Variants in OPLAH observed in about 807,000 individuals in gnomAD.
OPLAH encodes 5-oxoprolinase, ATP-hydrolysing.
A neutral mutation model predicts 122.8 loss-of-function variants in OPLAH; 103 were observed. The ratio of observed to expected loss-of-function variants is 0.84; its 90% CI spans 0.71 to 0.99. The LOEUF (loss-of-function observed/expected upper bound fraction) is 0.99. OPLAH is among the 50% of genes least tolerant of loss of function. OPLAH has a pLI of 0.00. For missense variants in OPLAH, 1,902 were observed against 1,836.5 expected, an observed-to-expected ratio of 1.04 and a Z score of -0.65; for synonymous variants, 875 against 796.0, an observed-to-expected ratio of 1.10 and a Z score of -1.67.
In OPLAH at chr8:144,052,564, C is replaced by A; in HGVS notation, c.3188G>T (p.Arg1063Leu). Residue 1063 changes from arginine to leucine, a missense_variant, in exon 23 of 27, where the codon CGA becomes CTA. This residue lies in a region of OPLAH where 1,726 missense variants were observed against 1,642.1 expected (regional missense o/e 1.05). Coordinates refer to ENST00000618853, the MANE Select transcript of OPLAH (RefSeq NM_017570.5). ...CLAPVRVVIP[R>L]GSILDPSPEA... ...GGGCGACGGGTCCAGGATGGAGCCT[C>A]GGGGAATGACCACGCGCACTGGCGC... 1.3e-6 allele frequency: 2 copies of A among 1,596,824 alleles called. No homozygotes were observed. Among genetic ancestry groups the A allele is most frequent in the South Asian group, 2.2e-5 (2 of 90,246 alleles).
intron 15 of OPLAH, 88 bp downstream of exon 15, chr8:144,056,059 C>A: frequency 6.6e-7 from 1 of 1,521,042 alleles, no homozygotes; most frequent in African/African-American, 1.4e-5. Flanking sequence ...TCCTGCAGGC[C>A]CCTGCAGCCT....
intron 3 of OPLAH, 96 bp from the exon 4 acceptor site, chr8:144,059,175 A>C: frequency 2.0e-6 from 2 of 1,021,852 alleles, no homozygotes; most frequent in Non-Finnish European, 2.9e-6. Context: ...CTGTGTCCCA[A>C]CAGGCCGGTC....
chr8:144,051,819 C>T lies in OPLAH; in HGVS notation c.3630G>A (p.Glu1210=), dbSNP rs1329872253. ...GCAGGTTTAGGCCGCGGGCGCCAGG[C>T]TCGCCCCCTGCGGAGGGAGGCGAGG... is the stretch of plus-strand genomic sequence containing the variant. ...AFRPYGLHGG[E]PGARGLNLLI... is the part of the protein sequence containing the mutation. Residue 1210 remains glutamate (E), a synonymous_variant, in exon 26 of 27, where the codon GAG becomes GAA. Transcript: ENST00000618853. 5.6e-6 allele frequency: 9 copies of T among 1,594,546 alleles called. No individual in the cohort carries two copies. The highest frequency in any genetic ancestry group is 1.7e-4 in the Middle Eastern group (1 of 5,844).
In OPLAH at chr8:144,052,339, C is replaced by A; in HGVS notation, c.3304-13G>T. On this transcript the variant is annotated splice_polypyrimidine_tract_variant and intron_variant, in intron 23 of 26. Coordinates refer to ENST00000618853, the MANE Select transcript of OPLAH (RefSeq NM_017570.5). ...TGTTCATGCAGCCCTGGTGAGGGCA[C>A]CTGGTCGCTGCGCTGGGCTGGGGCA... The A allele has an allele frequency of 6.6e-7, 1 of 1,514,648 alleles. No homozygotes were observed. Among genetic ancestry groups the A allele is most frequent in the African/African-American group, 1.4e-5 (1 of 72,480 alleles). The allele number at this position is 1,514,648 out of a possible 1,614,324, so 93.8% of individuals were successfully genotyped here.
In OPLAH at chr8:144,059,087, C is replaced by T. The variant is rs782331768; in HGVS notation, c.364-8G>A. 4.8e-5 allele frequency: 75 copies of T among 1,565,508 alleles called. No homozygotes were observed. The highest frequency in any genetic ancestry group is 4.1e-4 in the South Asian group (35 of 85,268). Reference sequence around the variant, plus strand: ...CTCAGGCATGGGCACGGCCTGGGGGCGGGCAGAGACTCAGAAGAGGCCCAG... The same window carrying T: ...CTCAGGCATGGGCACGGCCTGGGGGTGGGCAGAGACTCAGAAGAGGCCCAG... On this transcript the variant is annotated splice_polypyrimidine_tract_variant and splice_region_variant and intron_variant, in intron 3 of 26. Coordinates refer to ENST00000618853, the MANE Select transcript of OPLAH (RefSeq NM_017570.5).
chr8:144,059,996 C>T lies in OPLAH; in HGVS notation c.37G>A (p.Asp13Asn), dbSNP rs1554760528. The change falls in exon 2 of 27, where the codon GAC becomes AAC. Residue 13 changes from aspartate (D) to asparagine (N), a missense_variant. By Grantham distance (23) the Asp-to-Asn change is conservative (BLOSUM62 1). Coordinates refer to ENST00000618853, the MANE Select transcript of OPLAH (RefSeq NM_017570.5). The stretch of plus-strand genomic sequence containing the variant: ...ACGTCTGTGAAGGTACCCCCACGGT[C>T]GATGGCAAAGTGGAAGCGGCCCTCG... ...SPEGRFHFAI[D>N]RGGTFTDVFA... is the part of the protein sequence containing the mutation. 6.2e-7 allele frequency: 1 copy of T among 1,612,672 alleles called. No individual in the cohort carries two copies. The highest frequency in any genetic ancestry group is 8.5e-7 in the Non-Finnish European group (1 of 1,179,790).
chr8:144,059,862 C>G lies in OPLAH; in HGVS notation c.171G>C (p.Gln57His). 6.2e-7 allele frequency: 1 copy of G among 1,612,678 alleles called. No homozygotes were observed. Among genetic ancestry groups the G allele is most frequent in the Non-Finnish European group, 8.5e-7 (1 of 1,179,782 alleles). ...PTEGIRRILE[Q>H]EAGMLLPRDQ... Reference sequence around the variant, plus strand: ...GTCCACCCGCTCCGCCCTGGCCCACCTGCTCCAGGATGCGGCGGATGCCTT... The same window carrying G: ...GTCCACCCGCTCCGCCCTGGCCCACGTGCTCCAGGATGCGGCGGATGCCTT... Residue 57 changes from glutamine to histidine, a missense_variant and splice_region_variant, in exon 2 of 27, where the codon CAG becomes CAC. Transcript: ENST00000618853.
chr8:144,057,801 G>A (rs1835560672), intron 9 of OPLAH, 55 bp downstream of exon 9: 1 of 1,604,052 alleles, frequency 6.2e-7, no homozygotes, highest in Non-Finnish European at 8.5e-7. Flanking sequence ...GGAGGGGCTG[G>A]GCCTGCGGCG....
Position 144,056,662 on chromosome 8 carries a change from G to T in OPLAH, c.1800C>A (p.Ala600=), listed in dbSNP as rs1554759240. 1.2e-6 allele frequency: 2 copies of T among 1,611,996 alleles called. No homozygotes were observed. Among genetic ancestry groups the T allele is most frequent in the Non-Finnish European group, 1.7e-6 (2 of 1,179,696 alleles). ...CGAAGTCCCCCGCACGGGGCGAGCGGGCTGTGGCTGGGTGCTGGTGGGCAG... is the reference window on the plus strand; with the variant it reads ...CGAAGTCCCCCGCACGGGGCGAGCGTGCTGTGGCTGGGTGCTGGTGGGCAG... ...MVSAHQHPAT[A]RSPRAGDFGA... is the part of the protein sequence containing the mutation. The change falls in exon 13 of 27, where the codon GCC becomes GCA. Residue 600 remains alanine, a synonymous_variant. Coordinates refer to ENST00000618853, the MANE Select transcript of OPLAH (RefSeq NM_017570.5).
chr8:144,052,389 C>T, intron 23 of OPLAH, 60 bp downstream of exon 23: 1 of 1,520,162 alleles, frequency 6.6e-7, no homozygotes, highest in South Asian at 1.2e-5. Context: ...CGCCCTCCCG[C>T]TCCTACTCCA....
intron 1 of OPLAH, among the ~76,000 whole-genome samples, chr8:144,060,361 G>A (rs1554760666): frequency 6.6e-6 from 1 of 152,186 alleles, no homozygotes; most frequent in African/African-American, 2.4e-5. Flanking sequence ...TGGGGACGCC[G>A]CTGGACCCTG....
In OPLAH at chr8:144,057,011, T is replaced by C; in HGVS notation, c.1643A>G (p.Asp548Gly). The C allele has an allele frequency of 6.3e-7, 1 of 1,594,368 alleles. No individual in the cohort carries two copies. Among genetic ancestry groups the C allele is most frequent in the African/African-American group, 1.3e-5 (1 of 74,658 alleles). ...LYAPETFVQL[D>G]QRLSRLEEQC... ...CTCCTCCAGGCGGCTCAGCCTCTGG[T>C]CCAGCTGCACGAAGGTCTCAGGCGC... The change falls in exon 12 of 27, where the codon GAC becomes GGC. Residue 548 changes from aspartate to glycine, a missense_variant. Asp to Gly is a moderately conservative substitution (Grantham distance 94, BLOSUM62 -1). Transcript: ENST00000618853.
At position 144,057,907 on chromosome 8, in the gene OPLAH, C is replaced by T; in HGVS notation, c.1105G>A (p.Val369Ile). 6.2e-7 allele frequency: 1 copy of T among 1,612,114 alleles called. No homozygotes were observed. Among genetic ancestry groups the T allele is most frequent in the Non-Finnish European group, 8.5e-7 (1 of 1,179,624 alleles). ...TGGGCTCCTGCTGACTCGGGCCCAACCACAAAGAGGCCAGACCTAGGGGAA... is the reference window on the plus strand; with the variant it reads ...TGGGCTCCTGCTGACTCGGGCCCAATCACAAAGAGGCCAGACCTAGGGGAA... ...RLFFRSGLFV[V>I]GPESAGAHPG... The change falls in exon 9 of 27, where the codon GTT becomes ATT. Residue 369 changes from valine to isoleucine, a missense_variant. Physicochemically the swap from Val to Ile is conservative, Grantham distance 29. Around this residue, in one of 3 missense-constraint regions of OPLAH, gnomAD observed 1,726 missense variants for 1,642.1 expected, o/e 1.05. Transcript: ENST00000618853.
chr8:144,058,774 T>C lies in OPLAH; in HGVS notation c.586A>G (p.Thr196Ala). ...AGCCCACAGCCCCACCTCACTCACG[T>C]GTACGAGTGCATGAGCACCACAGCC... is the stretch of plus-strand genomic sequence containing the variant. ...SLAVVLMHSY[T>A]WAQHEQQVGV... The change falls in exon 5 of 27, where the codon ACG becomes GCG. Residue 196 changes from threonine to alanine, a missense_variant and splice_region_variant. Thr to Ala is a moderately conservative substitution (Grantham distance 58). This residue lies in a region of OPLAH where 1,726 missense variants were observed against 1,642.1 expected (regional missense o/e 1.05). Coordinates refer to ENST00000618853, the MANE Select transcript of OPLAH (RefSeq NM_017570.5). The C allele has an allele frequency of 2.5e-6, 4 of 1,600,352 alleles. No individual in the cohort carries two copies. The highest frequency in any genetic ancestry group is 3.4e-6 in the Non-Finnish European group (4 of 1,172,152).
At position 144,059,026 on chromosome 8, in the gene OPLAH, G is replaced by C. The variant is rs554575346; in HGVS notation, c.417C>G (p.Arg139=). ...LYEEVLEVDE[R]VVLHRGEAGT... ...CCGCCTCTCCACGGTGCAGCACCACGCGTTCGTCCACCTCCAGCACCTCTT... is the reference window on the plus strand; with the variant it reads ...CCGCCTCTCCACGGTGCAGCACCACCCGTTCGTCCACCTCCAGCACCTCTT... Residue 139 remains arginine (R), a synonymous_variant, in exon 4 of 27, where the codon CGC becomes CGG. Transcript: ENST00000618853. 1 of 1,588,978 alleles carries C rather than the reference G, an allele frequency of 6.3e-7. No individual in the cohort carries two copies. The highest frequency in any genetic ancestry group is 1.8e-5 in the Admixed American group (1 of 56,912).
rs1554758836 is a variant in OPLAH, at chr8:144,055,818, T to TG, written c.2217dup (p.Ile740HisfsTer11). On this transcript the variant is annotated frameshift_variant, in exon 16 of 27. Coordinates refer to ENST00000618853, the MANE Select transcript of OPLAH (RefSeq NM_017570.5). LOFTEE classifies it high-confidence loss of function. The surrounding 1 kb of genome is among the most constrained non-coding windows in gnomAD (Gnocchi z 6.5). ...ATGCTCATGAAGCGGTGTGAGAAGATGGACAGCTGGATAGGGTCCAGCTGG... is the reference window on the plus strand; with the variant it reads ...ATGCTCATGAAGCGGTGTGAGAAGATGGGACAGCTGGATAGGGTCCAGCTGG... 1 of 1,561,032 alleles carries TG rather than the reference T, an allele frequency of 6.4e-7. No individual in the cohort carries two copies. The highest frequency in any genetic ancestry group is 1.9e-5 in the Admixed American group (1 of 51,818).
At position 144,055,288 on chromosome 8, in the gene OPLAH, C is replaced by T; in HGVS notation, c.2249-99G>A. 1 of 1,273,362 alleles carries T rather than the reference C, an allele frequency of 7.9e-7. No homozygotes were observed. The highest frequency in any genetic ancestry group is 1.0e-6 in the Non-Finnish European group (1 of 969,288). The allele number at this position is 1,273,362 out of a possible 1,614,324, so 78.9% of individuals were successfully genotyped here. Reference sequence around the variant, plus strand: ...ACCCACCAGGACTCAAACCCAGGACCCAGGAAAAACCCAGCAGCTTTTTCC... The same window carrying T: ...ACCCACCAGGACTCAAACCCAGGACTCAGGAAAAACCCAGCAGCTTTTTCC... On this transcript the variant is annotated intron_variant, in intron 16 of 26. Coordinates refer to ENST00000618853, the MANE Select transcript of OPLAH (RefSeq NM_017570.5). The surrounding 1 kb of genome is among the most constrained non-coding windows in gnomAD (Gnocchi z 6.5).
intron 1 of OPLAH, among the ~76,000 whole-genome samples, chr8:144,060,344 CG>C (rs1249577978): frequency 6.6e-6 from 1 of 152,210 alleles, no homozygotes; most frequent in Non-Finnish European, 1.5e-5. Flanking sequence ...GGAGCAGGCA[CG>C]GGAGGTGGGG....
chr8:144,050,565 C>T, downstream of OPLAH: 1 of 985,650 alleles, frequency 1.0e-6, no homozygotes, highest in Non-Finnish European at 1.2e-6. Flanking sequence ...GGAGCACGAG[C>T]TCTTCCGCTG....
Sources: gnomAD v4.1 joint callset for allele counts (sites outside exome capture counted in the v4.1 genomes callset) on GRCh38, gnomAD v4.1.1 for gene constraint, gnomAD v4.1.1 regional missense constraint, Gnocchi (gnomAD v3.1) non-coding constraint, MANE v1.5 for transcripts, NCBI Gene and HGNC (gene_info 2026-07-23, HGNC 2026-07-21) for gene names.